TENM1: variants seen among roughly 807,000 people sequenced by gnomAD.
TENM1 encodes teneurin-1.
TENM1 carries 35 observed loss-of-function variants against 174.8 expected under a neutral mutation model. That is an observed-to-expected ratio of 0.20 (90% CI 0.15 to 0.27). The LOEUF (loss-of-function observed/expected upper bound fraction) is 0.27, where lower values mean the gene tolerates loss of function less well. Among genes scored for constraint, TENM1 ranks in the 10% least tolerant of loss-of-function variants. The pLI, the probability that TENM1 is intolerant of heterozygous loss-of-function variation, is 1.00. For missense variants in TENM1, 1,633 were observed against 2,130.1 expected (o/e 0.77, Z 4.59); for synonymous variants, 781 against 798.7 (o/e 0.98, Z 0.37).
chrX:124,858,116 T>C (rs994856090), intron 3 of TENM1, among the ~76,000 whole-genome samples: 4 of 112,197 alleles, frequency 3.6e-5, no homozygotes, highest in Non-Finnish European at 7.5e-5. Context: ...CTTCTCAAGG[T>C]CAAGGAAAAT....
chrX:124,970,894 C>T, the TENM1 span, among the ~76,000 whole-genome samples: 1 of 110,406 alleles, frequency 9.1e-6, no homozygotes, highest in Admixed American at 9.7e-5. Flanking sequence ...CCCAAATGTC[C>T]AACAATGATA....
chrX:124,519,798 G>T (rs1303581950), intron 18 of TENM1, among the ~76,000 whole-genome samples: 1 of 111,456 alleles, frequency 9.0e-6, no homozygotes, highest in African/African-American at 3.3e-5. Flanking sequence ...TGCTATTAAG[G>T]TATCCCTCAT....
intron 11 of TENM1, among the ~76,000 whole-genome samples, chrX:124,600,594 G>A (rs981300816): frequency 1.3e-4 from 14 of 111,075 alleles, no homozygotes; most frequent in African/African-American, 4.6e-4. Flanking sequence ...TACCAGTAGT[G>A]GGCCAAATAA....
chrX:124,518,130 T>C (rs754407004), intron 18 of TENM1, among the ~76,000 whole-genome samples: 1 of 109,111 alleles, frequency 9.2e-6, no homozygotes, highest in South Asian at 4.0e-4. Flanking sequence ...GAGGATGGAG[T>C]GATGATACAG....
chrX:124,696,769 A>G (rs1359038029), intron 5 of TENM1, among the ~76,000 whole-genome samples: 2 of 111,736 alleles, frequency 1.8e-5, no homozygotes, highest in East Asian at 5.6e-4. Context: ...TTCAAAACCA[A>G]AGGAAATGTA....
At chrX:124,440,283 G>A (rs2060889025) in intron 23 of TENM1, among the ~76,000 whole-genome samples, 2 of 112,051 alleles carry the variant, frequency 1.8e-5, no homozygotes, top group Non-Finnish European at 3.8e-5. Context: ...GACTTACTTG[G>A]TTCTTGTGTC....
the TENM1 span, among the ~76,000 whole-genome samples, chrX:125,071,291 C>T: frequency 9.0e-6 from 1 of 111,490 alleles, no homozygotes; most frequent in Non-Finnish European, 1.9e-5. Context: ...ATGAGAAAAA[C>T]AGACATGGTG....
intron 11 of TENM1, among the ~76,000 whole-genome samples, chrX:124,582,918 G>A (rs2049364930): frequency 1.8e-5 from 2 of 112,460 alleles, no homozygotes; most frequent in Admixed American, 9.4e-5. Flanking sequence ...CGCCCACGGA[G>A]TCTCGCTGAT....
At chrX:124,905,579 G>A (rs1218982821) in intron 1 of TENM1, among the ~76,000 whole-genome samples, 1 of 111,639 alleles carries the variant, frequency 9.0e-6, no homozygotes, top group Non-Finnish European at 1.9e-5. Context: ...AACAATCCCT[G>A]AGATATGAGA....
intron 3 of TENM1, among the ~76,000 whole-genome samples, chrX:124,813,197 G>T (rs1168184699): frequency 1.8e-5 from 2 of 110,876 alleles, no homozygotes; most frequent in African/African-American, 6.6e-5. Context: ...ATGAAAAATG[G>T]CTGCCTCTCC....
intron 11 of TENM1, among the ~76,000 whole-genome samples, chrX:124,593,562 G>A (rs900240893): frequency 1.8e-5 from 2 of 111,156 alleles, no homozygotes; most frequent in African/African-American, 3.3e-5. Context: ...CCTGGGCATG[G>A]GGCAGAGAGG....
chrX:124,762,932 T>G (rs1027217716), intron 3 of TENM1, among the ~76,000 whole-genome samples: 7 of 111,242 alleles, frequency 6.3e-5, no homozygotes, highest in African/African-American at 2.3e-4. Context: ...GTGTAGTCTT[T>G]ACTTGTGTAG....
chrX:125,137,935 T>C, the TENM1 span, among the ~76,000 whole-genome samples: 3 of 112,189 alleles, frequency 2.7e-5, no homozygotes, highest in East Asian at 8.4e-4. Flanking sequence ...CAAAAATATA[T>C]AACTCATGAT....
intron 27 of TENM1, 79 bp downstream of exon 30, chrX:124,404,952 T>TAAACAAACAAAC (rs34194370): frequency 5.1e-5 from 45 of 874,141 alleles, no homozygotes; most frequent in East Asian, 3.7e-4. Context: ...GCTCTGCAGT[T>TAAACAAACAAAC]AAACAAACAA....
the TENM1 span, among the ~76,000 whole-genome samples, chrX:125,048,023 G>C: frequency 9.0e-6 from 1 of 110,935 alleles, no homozygotes; most frequent in African/African-American, 3.3e-5. Context: ...TTTAGCTAGA[G>C]GGCACTGTCC....
At chrX:124,412,170 C>A (rs1413738172) in intron 25 of TENM1, 1 of 112,714 alleles carries the variant, frequency 8.9e-6, no homozygotes, top group African/African-American at 3.2e-5. Flanking sequence ...CAGAGGGTAC[C>A]AGACAGTTAA....
At chrX:124,571,954 AT>A (rs2049062447) in intron 11 of TENM1, among the ~76,000 whole-genome samples, 1 of 106,870 alleles carries the variant, frequency 9.4e-6, no homozygotes, top group Non-Finnish European at 1.9e-5. Context: ...AAAGGAGAAA[AT>A]GATTTTTTTT....
At chrX:124,506,972 G>C (rs1051073840) in intron 18 of TENM1, among the ~76,000 whole-genome samples, 12 of 111,780 alleles carry the variant, frequency 1.1e-4, no homozygotes, top group African/African-American at 3.9e-4. Flanking sequence ...CTGAGCCTCA[G>C]CTAAATAAGC....
chrX:124,925,313 A>G (rs1311488362), intron 1 of TENM1, among the ~76,000 whole-genome samples: 2 of 110,848 alleles, frequency 1.8e-5, no homozygotes, highest in African/African-American at 6.5e-5. Flanking sequence ...AGGTTAATAA[A>G]TTACTTGGAT....
Sources: allele counts gnomAD v4.1 joint callset (sites outside exome capture counted in the v4.1 genomes callset), GRCh38; gene constraint gnomAD v4.1.1; transcripts MANE v1.5; gene names NCBI Gene and HGNC (gene_info 2026-07-23, HGNC 2026-07-21).